EYA2: variants seen among roughly 807,000 people sequenced by gnomAD.
EYA2 encodes the protein protein phosphatase EYA2.
Under a neutral mutation model 69.2 loss-of-function variants are expected in EYA2, and 31 were observed. The ratio of observed to expected loss-of-function variants is 0.45; its 90% CI spans 0.34 to 0.60. The LOEUF (loss-of-function observed/expected upper bound fraction) is 0.60. EYA2 is among the 20% of genes least tolerant of loss of function. The probability of loss-of-function intolerance (pLI) is 0.02; values close to 1 mark genes in which losing one functional copy is unlikely to be tolerated. For synonymous variants in EYA2, 257 were observed against 279.4 expected (o/e 0.92, Z 0.80); for missense variants, 622 against 701.2 (o/e 0.89, Z 1.28).
intron 12 of EYA2, among the ~76,000 whole-genome samples, chr20:47,174,931 G>A (rs916381093): frequency 1.3e-5 from 2 of 152,214 alleles, no homozygotes; most frequent in African/African-American, 4.8e-5. Context: ...GCAAGCTCTG[G>A]TCAGGTCCCA....
At chr20:47,123,725 T>C (rs2033109201) in intron 9 of EYA2, among the ~76,000 whole-genome samples, 2 of 152,144 alleles carry the variant, frequency 1.3e-5, no homozygotes, top group African/African-American at 4.8e-5. Flanking sequence ...GTACGGTGGC[T>C]CACGCCTGTA....
rs1201324879 is a variant in EYA2 at position 47,135,818 on chromosome 20, C to CAAAAAAAAAAAAAAAAA, written c.889-7234_889-7218dup. 7.8e-4 allele frequency among the ~76,000 whole-genome samples: 26 copies of CAAAAAAAAAAAAAAAAA among 33,224 alleles called. 1 individual carries two copies. The highest frequency in any genetic ancestry group is 1.1e-3 in the Non-Finnish European group (20 of 18,098). The allele number at this position is 33,224 out of a possible 152,430, so 21.8% of individuals were successfully genotyped here. On this transcript the variant is annotated intron_variant, in intron 9 of 15. Coordinates refer to ENST00000327619, the MANE Select transcript of EYA2 (RefSeq NM_005244.5). ...GCAACATAAGGAGACCCTGTCTCTA[C>CAAAAAAAAAAAAAAAAA]AAAAAAAAAAAAAAAAAAAAAAACA...
intron 5 of EYA2, among the ~76,000 whole-genome samples, chr20:47,048,310 A>G (rs2030152609): frequency 6.6e-6 from 1 of 152,116 alleles, no homozygotes; most frequent in Non-Finnish European, 1.5e-5. Flanking sequence ...AGGGGCTGCT[A>G]CTCACTTTTA....
intron 1 of EYA2, among the ~76,000 whole-genome samples, chr20:46,970,736 C>T (rs1980087564): frequency 6.6e-6 from 1 of 151,966 alleles, no homozygotes; most frequent in Non-Finnish European, 1.5e-5. Flanking sequence ...CGAAAACTGT[C>T]CAGGATGTAT....
At chr20:46,981,524 GATTGCTATAGGTATTTTA>G (rs940060999) in intron 1 of EYA2, among the ~76,000 whole-genome samples, 1 of 152,128 alleles carries the variant, frequency 6.6e-6, no homozygotes, top group Non-Finnish European at 1.5e-5. Context: ...GGTGTGTTTT[GATTGCTATAGGTATTTTA>G]ATTGCTATAG....
At chr20:46,904,281 T>G (rs1425196546) in intron 1 of EYA2, among the ~76,000 whole-genome samples, 1 of 152,044 alleles carries the variant, frequency 6.6e-6, no homozygotes, top group African/African-American at 2.4e-5. Context: ...AATGGTAGCT[T>G]GTATTATTAC....
intron 9 of EYA2, among the ~76,000 whole-genome samples, chr20:47,111,968 A>AC (rs2032757019): frequency 6.7e-6 from 1 of 149,946 alleles, no homozygotes; most frequent in African/African-American, 2.5e-5. Context: ...CATCTGTACA[A>AC]AAAAAAATTT....
chr20:47,029,485 C>T (rs1282486613), intron 5 of EYA2, among the ~76,000 whole-genome samples: 1 of 152,194 alleles, frequency 6.6e-6, no homozygotes, highest in Non-Finnish European at 1.5e-5. Context: ...TTGGGGTTGA[C>T]ATAACTGTAT....
At chr20:46,958,843 T>A (rs1008732070) in intron 1 of EYA2, among the ~76,000 whole-genome samples, 1 of 152,200 alleles carries the variant, frequency 6.6e-6, no homozygotes, top group Non-Finnish European at 1.5e-5. Flanking sequence ...GGCCTCAAGC[T>A]CCATCCATGT....
At chr20:47,187,112 T>C (rs1316467240) in intron 15 of EYA2, among the ~76,000 whole-genome samples, 1 of 152,094 alleles carries the variant, frequency 6.6e-6, no homozygotes, top group Non-Finnish European at 1.5e-5. Flanking sequence ...CTCATGCCTG[T>C]AATCCCAACA....
chr20:47,049,867 C>T, intron 5 of EYA2, among the ~76,000 whole-genome samples: 1 of 151,340 alleles, frequency 6.6e-6, no homozygotes, highest in African/African-American at 2.4e-5. Flanking sequence ...CAGACCCCCC[C>T]CCCACCGCCA....
intron 10 of EYA2, chr20:47,161,642 G>A (rs547616462): frequency 4.7e-6 from 1 of 212,376 alleles, no homozygotes; most frequent in East Asian, 1.6e-4. Flanking sequence ...CCCTGCTGAA[G>A]CCTCCACAGA....
chr20:47,117,058 G>C (rs2032915811), intron 9 of EYA2, among the ~76,000 whole-genome samples: 1 of 144,318 alleles, frequency 6.9e-6, no homozygotes, highest in South Asian at 2.2e-4. Flanking sequence ...GTGCGGTAGT[G>C]CAGTGGTGTA....
chr20:47,121,934 C>A (rs1004848276), intron 9 of EYA2, among the ~76,000 whole-genome samples: 14 of 152,196 alleles, frequency 9.2e-5, no homozygotes, highest in Non-Finnish European at 1.0e-4. Context: ...GCTCCTTCCT[C>A]GGCCAGACAT....
chr20:47,124,568 G>T (rs544723179), intron 9 of EYA2, among the ~76,000 whole-genome samples: 1 of 152,200 alleles, frequency 6.6e-6, no homozygotes, highest in South Asian at 2.1e-4. Context: ...CTGAGTCCTT[G>T]GAATGACTTT....
At chr20:46,939,203 C>T (rs946553963) in intron 1 of EYA2, among the ~76,000 whole-genome samples, 1 of 152,132 alleles carries the variant, frequency 6.6e-6, no homozygotes, top group Admixed American at 6.5e-5. Flanking sequence ...AGCATGTGAC[C>T]GAAGCTGGGC....
intron 10 of EYA2, among the ~76,000 whole-genome samples, chr20:47,164,723 G>C (rs2034145639): frequency 6.6e-6 from 1 of 152,152 alleles, no homozygotes; most frequent in East Asian, 1.9e-4. Flanking sequence ...GAGATGGTGG[G>C]AAACTGTAAA....
intron 12 of EYA2, among the ~76,000 whole-genome samples, chr20:47,173,468 A>G: frequency 7.1e-6 from 1 of 140,988 alleles, no homozygotes. Flanking sequence ...ACCCAAGATT[A>G]CACCACTGCA....
intron 1 of EYA2, among the ~76,000 whole-genome samples, chr20:46,972,698 G>A (rs1382709926): frequency 1.3e-5 from 2 of 152,104 alleles, no homozygotes; most frequent in African/African-American, 4.8e-5. Flanking sequence ...AGTCAAGGAA[G>A]ATCCCACACC....
Sources: allele counts gnomAD v4.1 joint callset (sites outside exome capture counted in the v4.1 genomes callset), GRCh38; gene constraint gnomAD v4.1.1; transcripts MANE v1.5; gene names NCBI Gene and HGNC (gene_info 2026-07-23, HGNC 2026-07-21).